The following SPATC1L variants were observed in gnomAD, a reference collection of about 807,000 sequenced individuals.
SPATC1L encodes speriolin-like protein.
In SPATC1L, 20 loss-of-function variants were observed where a neutral mutation model predicts 21.2. The ratio of observed to expected loss-of-function variants is 0.94; its 90% CI spans 0.66 to 1.37. SPATC1L has a LOEUF of 1.37. SPATC1L is among the 40% of genes most tolerant of loss of function. The pLI is 0.00. For synonymous variants in SPATC1L, 290 were observed against 234.5 expected, an observed-to-expected ratio of 1.24 and a Z score of -2.16; for missense variants, 499 against 478.7, an observed-to-expected ratio of 1.04 and a Z score of -0.40.
rs529290515 is a variant in SPATC1L at position 46,161,855 on chromosome 21, C to T, written c.696+61G>A. On this transcript the variant is annotated intron_variant, in intron 4 of 4. Transcript: ENST00000291672. Reference sequence around the variant, plus strand: ...CGGCCAGGAGCCAAGATCTGGGGGCCGCACAGGGACGGACCGAGCGCCCCG... The same window carrying T: ...CGGCCAGGAGCCAAGATCTGGGGGCTGCACAGGGACGGACCGAGCGCCCCG... 2.0e-5 allele frequency: 31 copies of T among 1,569,694 alleles called. 1 individual carries two copies. In the South Asian group the frequency reaches 3.1e-4, roughly 16 times the overall value.
intron 2 of SPATC1L, 21 bp downstream of exon 2, chr21:46,182,603 C>T: frequency 6.9e-7 from 1 of 1,442,462 alleles, no homozygotes; most frequent in Non-Finnish European, 9.1e-7. Flanking sequence ...ACCAGGCCAT[C>T]TGAGCTGGGC....
Position 46,168,571 on chromosome 21 carries a change from G to T in SPATC1L, c.281C>A (p.Ala94Asp). The change falls in exon 3 of 5, where the codon GCC becomes GAC. Residue 94 changes from alanine to aspartate, a missense_variant. Physicochemically the swap from Ala to Asp is moderately radical, Grantham distance 126. Coordinates refer to ENST00000291672, the MANE Select transcript of SPATC1L (RefSeq NM_001142854.2). ...GGTGTCGTCCTCGCTGGACAGGGGG[G>T]CATGTGAGCACAGCAGGTCCTCCAG... ...SSLEDLLCSH[A>D]PLSSEDDTSP... 2 of 1,477,280 alleles carry T rather than the reference G, an allele frequency of 1.4e-6. No individual in the cohort carries two copies. Among genetic ancestry groups the T allele is most frequent in the East Asian group, 2.5e-5 (1 of 39,498 alleles). The allele number at this position is 1,477,280 out of a possible 1,614,324, so 91.5% of individuals were successfully genotyped here.
intron 3 of SPATC1L, 63 bp from the exon 4 acceptor site, chr21:46,162,130 G>A: frequency 1.4e-6 from 2 of 1,474,690 alleles, no homozygotes; most frequent in South Asian, 2.6e-5. Flanking sequence ...CCTCGAGGGT[G>A]CCCTCGGCCA....
intron 4 of SPATC1L, 32 bp from the exon 5 acceptor site, chr21:46,161,737 GGCTCGGGGCCCTCGGACGGGGACTTCCA>G: frequency 6.5e-7 from 1 of 1,543,802 alleles, no homozygotes; most frequent in Non-Finnish European, 8.7e-7. Flanking sequence ...GGGGGTGGGG[GGCTCGGGGCCCTCGGACGGGGACTTCCA>G]GGCCCAGGGC....
intron 3 of SPATC1L, among the ~76,000 whole-genome samples, chr21:46,164,961 A>T (rs1184413214): frequency 6.6e-6 from 1 of 152,306 alleles, no homozygotes; most frequent in East Asian, 1.9e-4. Flanking sequence ...CCTGTTCTTC[A>T]AAGGAAAAAG....
intron 2 of SPATC1L, among the ~76,000 whole-genome samples, chr21:46,180,043 A>G (rs1221100676): frequency 6.6e-6 from 1 of 152,226 alleles, no homozygotes; most frequent in Non-Finnish European, 1.5e-5. Context: ...TTTCAAATGC[A>G]CACAGCCTTT....
intron 2 of SPATC1L, among the ~76,000 whole-genome samples, chr21:46,170,077 G>A (rs2079573691): frequency 1.1e-5 from 1 of 94,788 alleles, no homozygotes; most frequent in African/African-American, 5.0e-5. Flanking sequence ...ATCCTCTGTG[G>A]ATGGGGAGGA....
At chr21:46,172,100 G>GAGCGT (rs1455552658) in intron 2 of SPATC1L, among the ~76,000 whole-genome samples, 1 of 64,642 alleles carries the variant, frequency 1.5e-5, no homozygotes, top group Non-Finnish European at 3.9e-5. Context: ...GCATGAGGCA[G>GAGCGT]GAGTGCAGAG....
chr21:46,171,912 G>A (rs2079593183), intron 2 of SPATC1L, among the ~76,000 whole-genome samples: 1 of 122,400 alleles, frequency 8.2e-6, no homozygotes, highest in African/African-American at 3.2e-5. Context: ...CAACTCTGAT[G>A]TCAAATTCCT....
Position 46,161,505 on chromosome 21 carries a change from G to T in SPATC1L, c.897C>A (p.Ser299Arg), listed in dbSNP as rs1178162035. 1 of 1,608,198 alleles carries T rather than the reference G, an allele frequency of 6.2e-7. No individual in the cohort carries two copies. Among genetic ancestry groups the T allele is most frequent in the Admixed American group, 1.7e-5 (1 of 59,726 alleles). ...PDLRANPLHSSPAALRKLVID... is the reference protein window; with the variant it reads ...PDLRANPLHSRPAALRKLVID... ...TGACCAGCTTGCGCAGCGCGGCCGG[G>T]CTGCTGTGCAGGGGGTTGGCGCGCA... The change falls in exon 5 of 5, where the codon AGC becomes AGA. Residue 299 changes from serine to arginine, a missense_variant. Transcript: ENST00000291672.
intron 2 of SPATC1L, among the ~76,000 whole-genome samples, chr21:46,174,440 A>T (rs2079617450): frequency 6.6e-6 from 1 of 152,134 alleles, no homozygotes; most frequent in African/African-American, 2.4e-5. Context: ...CAATAACACA[A>T]ATAGGCTCAA....
At position 46,168,435 on chromosome 21, in the gene SPATC1L, G is replaced by A. The variant is rs2079556657; in HGVS notation, c.417C>T (p.Pro139=). The change falls in exon 3 of 5, where the codon CCC becomes CCT. Residue 139 remains proline (P), a synonymous_variant. Coordinates refer to ENST00000291672, the MANE Select transcript of SPATC1L (RefSeq NM_001142854.2). The part of the protein sequence containing the change: ...TDRKLSPLLS[P]LQDSLVDKTL... ...TCTTGTCCACCAGTGAGTCTTGCAA[G>A]GGGCTCAGGAGCGGGGACAGCTTCC... 1 of 1,611,146 alleles carries A rather than the reference G, an allele frequency of 6.2e-7. No individual in the cohort carries two copies. Among genetic ancestry groups the A allele is most frequent in the African/African-American group, 1.3e-5 (1 of 74,964 alleles).
intron 2 of SPATC1L, among the ~76,000 whole-genome samples, chr21:46,172,730 C>A (rs1441557864): frequency 1.3e-5 from 2 of 152,220 alleles, no homozygotes; most frequent in Non-Finnish European, 2.9e-5. Context: ...CCAGATGATA[C>A]AGCTCCCACG....
At chr21:46,165,881 A>G (rs1363992927) in intron 3 of SPATC1L, among the ~76,000 whole-genome samples, 1 of 152,208 alleles carries the variant, frequency 6.6e-6, no homozygotes, top group Non-Finnish European at 1.5e-5. Flanking sequence ...ATAAAATGGA[A>G]TTTGTAGGGG....
In SPATC1L at chr21:46,168,476, G is replaced by A. The variant is rs745989212; in HGVS notation, c.376C>T (p.His126Tyr). ...GACAGCTTCCTGTCGGTGCCTCGGTGGCTATGTGGCTCTGGGGGACTGAGG... is the reference window on the plus strand; with the variant it reads ...GACAGCTTCCTGTCGGTGCCTCGGTAGCTATGTGGCTCTGGGGGACTGAGG... Reference protein sequence around the residue: ...AFLSPPEPHSHRGTDRKLSPL... With the variant: ...AFLSPPEPHSYRGTDRKLSPL... The change falls in exon 3 of 5, where the codon CAC becomes TAC. Residue 126 changes from histidine to tyrosine, a missense_variant. Transcript: ENST00000291672. 120 of 1,577,562 alleles carry A rather than the reference G, an allele frequency of 7.6e-5. No individual in the cohort carries two copies. The highest frequency in any genetic ancestry group is 1.0e-4 in the Non-Finnish European group (118 of 1,161,384).
At chr21:46,173,722 GCA>G (rs1199645718) in intron 2 of SPATC1L, among the ~76,000 whole-genome samples, 1 of 152,126 alleles carries the variant, frequency 6.6e-6, no homozygotes, top group Non-Finnish European at 1.5e-5. Context: ...CAGAGTAACT[GCA>G]CACAGTCTCC....
At chr21:46,180,258 A>G (rs2079662498) in intron 2 of SPATC1L, among the ~76,000 whole-genome samples, 1 of 152,212 alleles carries the variant, frequency 6.6e-6, no homozygotes, top group Non-Finnish European at 1.5e-5. Flanking sequence ...TGGATCGTTA[A>G]GGGGGAAAAG....
intron 2 of SPATC1L, among the ~76,000 whole-genome samples, chr21:46,176,709 G>A (rs1414186858): frequency 6.6e-6 from 1 of 152,190 alleles, no homozygotes; most frequent in Non-Finnish European, 1.5e-5. Flanking sequence ...ACTGACCAAA[G>A]TAATTTTATA....
At chr21:46,168,725 A>C in intron 2 of SPATC1L, 67 bp from the exon 3 acceptor site, 1 of 1,168,756 alleles carries the variant, frequency 8.6e-7, no homozygotes. Context: ...GGAAGTATAA[A>C]GAACATGTTA....
Sources: gnomAD v4.1 joint callset for allele counts (sites outside exome capture counted in the v4.1 genomes callset) on GRCh38, gnomAD v4.1.1 for gene constraint, MANE v1.5 for transcripts, NCBI Gene and HGNC (gene_info 2026-07-23, HGNC 2026-07-21) for gene names.